YBX3: variants seen among roughly 807,000 people sequenced by gnomAD.
YBX3 encodes Y-box-binding protein 3.
A neutral mutation model predicts 42.4 loss-of-function variants in YBX3; 29 were observed. That is an observed-to-expected ratio of 0.68 (90% CI 0.51 to 0.93). The LOEUF is 0.93. Ranked by LOEUF, YBX3 falls within the 40% of genes least tolerant of loss-of-function variation. The pLI, the probability that YBX3 is intolerant of heterozygous loss-of-function variation, is 0.00. For synonymous variants in YBX3, 195 were observed against 189.8 expected (o/e 1.03, Z -0.22); for missense variants, 517 against 527.5 (o/e 0.98, Z 0.19).
At position 10,722,954 on chromosome 12, in the gene YBX3, G is replaced by T; in HGVS notation, c.158C>A (p.Ala53Glu). ...GGCCGCGTCCCCACCGGGGTTTCCT[G>T]CGACGTGGGCGGCGGGCGCCGGGGC... is the stretch of plus-strand genomic sequence containing the variant. ...AAAPAPAAHV[A>E]GNPGGDAAPA... Residue 53 changes from alanine (A) to glutamate (E), a missense_variant, in exon 1 of 10, where the codon GCA becomes GAA. Transcript: ENST00000228251. 7.9e-7 allele frequency: 1 copy of T among 1,259,326 alleles called. No homozygotes were observed. Among genetic ancestry groups the T allele is most frequent in the Non-Finnish European group, 9.9e-7 (1 of 1,007,604 alleles). 78.0% of individuals were successfully genotyped at this position (1,259,326 alleles called of 1,614,324 possible). A position where few individuals can be genotyped will look rare whatever the true frequency, so the allele number is the denominator to read the frequency against.
intron 2 of YBX3, among the ~76,000 whole-genome samples, 168 bp downstream of exon 2, chr12:10,718,912 T>C (rs1333148554): frequency 6.6e-6 from 1 of 152,260 alleles, no homozygotes; most frequent in Admixed American, 6.5e-5. Flanking sequence ...CCTGGAAATG[T>C]ATTTTAAGTA....
intron 6 of YBX3, among the ~76,000 whole-genome samples, chr12:10,706,004 A>G (rs1010488182): frequency 6.6e-6 from 1 of 152,234 alleles, no homozygotes; most frequent in Non-Finnish European, 1.5e-5. Flanking sequence ...TGTTATTTAA[A>G]AACAAAAAAT....
chr12:10,710,323 A>C, intron 5 of YBX3: 1 of 1,438,048 alleles, frequency 7.0e-7, no homozygotes, highest in Non-Finnish European at 9.1e-7. Context: ...TGCAGATAAA[A>C]TACCAAGAAG....
At chr12:10,702,774 G>A (rs1031294260) in intron 7 of YBX3, 15 of 152,108 alleles carry the variant, frequency 9.9e-5, no homozygotes, top group African/African-American at 3.6e-4. Context: ...TGCCTTCCAT[G>A]AACAGAATTT....
intron 2 of YBX3, 42 bp downstream of exon 2, chr12:10,719,038 T>C (rs1310345606): frequency 6.3e-7 from 1 of 1,576,992 alleles, no homozygotes; most frequent in Admixed American, 1.7e-5. Flanking sequence ...TGCCACAATG[T>C]AAGTATAAAC....
chr12:10,721,332 G>A (rs1948322306), intron 1 of YBX3, among the ~76,000 whole-genome samples: 1 of 152,212 alleles, frequency 6.6e-6, no homozygotes, highest in Non-Finnish European at 1.5e-5. Context: ...CATCTTTAAA[G>A]ATAGTATCTG....
rs1344154847 is a variant in YBX3, at chr12:10,704,036, GA to G, written c.878+14del. ...CAAGTCCTTTAACTGGCCATTAGTG[GA>G]AAATGCGACATACCTACGGTACCTT... On this transcript the variant is annotated intron_variant, in intron 7 of 9. Coordinates refer to ENST00000228251, the MANE Select transcript of YBX3 (RefSeq NM_003651.5). The G allele has an allele frequency of 1.9e-6, 3 of 1,613,402 alleles. No homozygotes were observed. Among genetic ancestry groups the G allele is most frequent in the Non-Finnish European group, 2.5e-6 (3 of 1,179,538 alleles).
intron 6 of YBX3, chr12:10,704,451 A>G (rs1948115468): frequency 4.5e-6 from 1 of 220,680 alleles, no homozygotes. Context: ...TAAATAAAAT[A>G]CTCTTTTATT....
rs566121139 is a variant in YBX3, at chr12:10,715,942, G to C, written c.361-159C>G. 1.5e-5 allele frequency: 9 copies of C among 615,826 alleles called. No homozygotes were observed. In the African/African-American group the frequency reaches 1.7e-4, roughly 11 times the overall value. The allele number at this position is 615,826 out of a possible 1,614,324, so 38.1% of individuals were successfully genotyped here. On this transcript the variant is annotated intron_variant, in intron 3 of 9. Transcript: ENST00000228251. ...AGTTGGATCTCCAACACAACAACAA[G>C]AAAGCACTATAAAACTATATTCCAC...
chr12:10,710,571 A>G (rs1458140793), intron 5 of YBX3: 23 of 1,233,906 alleles, frequency 1.9e-5, no homozygotes, highest in Admixed American at 5.9e-5. Flanking sequence ...ACAAGTCTGT[A>G]AAGTGTGGAT....
intron 2 of YBX3, 23 bp from the exon 3 acceptor site, chr12:10,718,144 C>G: frequency 6.2e-7 from 1 of 1,610,460 alleles, no homozygotes; most frequent in African/African-American, 1.3e-5. Flanking sequence ...AAAAAGCTCA[C>G]AATTAAAGGT....
Position 10,713,215 on chromosome 12 carries a change from C to T in YBX3, c.569G>A (p.Arg190Gln), listed in dbSNP as rs367702248. 4.0e-5 allele frequency: 64 copies of T among 1,610,292 alleles called. 1 individual carries two copies. The South Asian group carries it at 5.0e-4, about 13-fold the overall frequency. Reference protein sequence around the residue: ...GYYGRRRGPPRNYAGEEEEEG... With the variant: ...GYYGRRRGPPQNYAGEEEEEG... ...TAAGTAACAGAGACAACGTACATTC[C>T]GGGGAGGGCCACGGCGCCTTCCATA... The change falls in exon 5 of 10, where the codon CGG (arginine) becomes CAG (glutamine). Residue 190 changes from arginine (R) to glutamine (Q), a missense_variant. Arg to Gln is a conservative substitution (Grantham distance 43). Transcript: ENST00000228251.
chr12:10,723,050 T>G lies in YBX3; in HGVS notation c.62A>C (p.Glu21Ala). ...TTTTLPQAPT[E>A]AAAAAPQDPA... ...GTCCTGGGGAGCCGCGGCGGCCGCCTCCGTCGGAGCCTGCGGGAGGGTGGT... is the reference window on the plus strand; with the variant it reads ...GTCCTGGGGAGCCGCGGCGGCCGCCGCCGTCGGAGCCTGCGGGAGGGTGGT... Residue 21 changes from glutamate (E) to alanine (A), a missense_variant, in exon 1 of 10, where the codon GAG becomes GCG. By Grantham distance (107) the Glu-to-Ala change is moderately radical. This residue lies in a region of YBX3 where 86 missense variants were observed against 82.5 expected (regional missense o/e 1.04). Coordinates refer to ENST00000228251, the MANE Select transcript of YBX3 (RefSeq NM_003651.5). 1 of 1,205,254 alleles carries G rather than the reference T, an allele frequency of 8.3e-7. No homozygotes were observed. Among genetic ancestry groups the G allele is most frequent in the Non-Finnish European group, 1.0e-6 (1 of 972,720 alleles). The allele number at this position is 1,205,254 out of a possible 1,614,324, so 74.7% of individuals were successfully genotyped here.
chr12:10,712,974 C>T, intron 5 of YBX3: 1 of 473,436 alleles, frequency 2.1e-6, no homozygotes, highest in Non-Finnish European at 3.6e-6. Context: ...TCTCAGAAAT[C>T]ACCACTAAAG....
At chr12:10,715,268 G>C (rs975802769) in intron 4 of YBX3, among the ~76,000 whole-genome samples, 1 of 151,888 alleles carries the variant, frequency 6.6e-6, no homozygotes, top group African/African-American at 2.4e-5. Flanking sequence ...CTGCTAGCTG[G>C]GTGTGGTGGC....
chr12:10,699,551 T>C lies in YBX3; in HGVS notation c.*138A>G, dbSNP rs1001929440. 1 of 152,662 alleles carries C rather than the reference T, an allele frequency of 6.6e-6. No homozygotes were observed. Among genetic ancestry groups the C allele is most frequent in the Non-Finnish European group, 1.5e-5 (1 of 68,028 alleles). The allele number at this position is 152,662 out of a possible 1,614,324, so 9.5% of individuals were successfully genotyped here. A position where few individuals can be genotyped will look rare whatever the true frequency, so the allele number is the denominator to read the frequency against. ...AGTAAACATTCCAATGTCCAAATCT[T>C]GGTTAGTCTTCCACTTTATTGCTTG... On this transcript the variant is annotated 3_prime_UTR_variant, in exon 10 of 10. Transcript: ENST00000228251.
At chr12:10,711,726 T>G (rs920647192) in intron 5 of YBX3, 5 of 152,232 alleles carry the variant, frequency 3.3e-5, no homozygotes, top group African/African-American at 1.2e-4. Flanking sequence ...TATGTATACT[T>G]TAAGAGTTTT....
At position 10,715,716 on chromosome 12, in the gene YBX3, A is replaced by G. The variant is rs1948253440; in HGVS notation, c.428T>C (p.Phe143Ser). 6.2e-7 allele frequency: 1 copy of G among 1,613,998 alleles called. No homozygotes were observed. Among genetic ancestry groups the G allele is most frequent in the Non-Finnish European group, 8.5e-7 (1 of 1,179,984 alleles). Residue 143 changes from phenylalanine (F) to serine (S), a missense_variant, in exon 4 of 10, where the codon TTT (phenylalanine) becomes TCT (serine). Physicochemically the swap from Phe to Ser is radical, Grantham distance 155. Around this residue, in one of 3 missense-constraint regions of YBX3, gnomAD observed 420 missense variants for 408.5 expected, o/e 1.03. Transcript: ENST00000228251. The stretch of plus-strand genomic sequence containing the variant: ...CACCTTCTCTCCTTCAACCACATCA[A>G]ACTCTACAGTTTCTCCATCTCCTAC... ...RSVGDGETVE[F>S]DVVEGEKGAE...
At chr12:10,700,152 G>A (rs1948063025) in intron 9 of YBX3, among the ~76,000 whole-genome samples, 1 of 152,206 alleles carries the variant, frequency 6.6e-6, no homozygotes, top group East Asian at 1.9e-4. Flanking sequence ...CTAATTCCAA[G>A]TTTGAATAGG....
Sources: gnomAD v4.1 joint callset for allele counts (sites outside exome capture counted in the v4.1 genomes callset) on GRCh38, gnomAD v4.1.1 for gene constraint, gnomAD v4.1.1 regional missense constraint, MANE v1.5 for transcripts, NCBI Gene and HGNC (gene_info 2026-07-23, HGNC 2026-07-21) for gene names.